TXNL4A: variants seen among roughly 807,000 people sequenced by gnomAD.
The protein encoded by TXNL4A is thioredoxin-like protein 4A.
A neutral mutation model predicts 14.6 loss-of-function variants in TXNL4A; 17 were observed. The ratio of observed to expected loss-of-function variants is 1.16; its 90% CI spans 0.80 to 1.74. The LOEUF is 1.74. Ranked by LOEUF, TXNL4A falls within the 40% of genes most tolerant of loss-of-function variation. TXNL4A has a pLI of 0.00. For missense variants in TXNL4A, 74 were observed against 195.2 expected (o/e 0.38, Z 3.70); for synonymous variants, 83 against 70.6 (o/e 1.18, Z -0.88).
Position 79,988,536 on chromosome 18 carries a change from G to C in TXNL4A, c.-144C>G. ...GGTCCCGCCCGCACACGCAAACTCC[G>C]CTGGGACTGCCACCCGGCAGAACGT... On this transcript the variant is annotated 5_prime_UTR_variant, in exon 1 of 3. Transcript: ENST00000269601. The C allele has an allele frequency of 2.4e-6, 2 of 845,086 alleles. No homozygotes were observed. The highest frequency in any genetic ancestry group is 1.6e-6 in the Non-Finnish European group (1 of 633,786). 52.3% of individuals were successfully genotyped at this position (845,086 alleles called of 1,614,324 possible). A position where few individuals can be genotyped will look rare whatever the true frequency, so the allele number is the denominator to read the frequency against.
chr18:80,031,374 C>T (rs1279832895), intron 1 of TXNL4A, among the ~76,000 whole-genome samples: 1 of 152,228 alleles, frequency 6.6e-6, no homozygotes, highest in Non-Finnish European at 1.5e-5. Context: ...GACATATTGG[C>T]TATGTGGCAC....
At chr18:79,974,834 G>T (rs938062995) in intron 2 of TXNL4A, among the ~76,000 whole-genome samples, 2 of 152,100 alleles carry the variant, frequency 1.3e-5, no homozygotes, top group Admixed American at 1.3e-4. Flanking sequence ...CAAACCCCTA[G>T]CTCCAGTCCC....
chr18:79,995,221 T>A (rs776048965), intron 1 of TXNL4A: 1 of 152,218 alleles, frequency 6.6e-6, no homozygotes, highest in Non-Finnish European at 1.5e-5. Context: ...CTGGTCCACA[T>A]ACTGGTCTCA....
At position 80,002,350 on chromosome 18, in the gene TXNL4A, G is replaced by A. The variant is rs541343795; in HGVS notation, c.-60-24649C>T. On this transcript the variant is annotated intron_variant, in intron 1 of 2. Coordinates refer to the TXNL4A transcript ENST00000585474. ...ATGAGAATATGTTCCACCAAATCCAGGCTGCCCTCCTAGGGTGATGGGAAA... is the reference window on the plus strand; with the variant it reads ...ATGAGAATATGTTCCACCAAATCCAAGCTGCCCTCCTAGGGTGATGGGAAA... 5.3e-5 allele frequency among the ~76,000 whole-genome samples: 8 copies of A among 152,248 alleles called. No individual in the cohort carries two copies. The South Asian group carries it at 1.7e-3, about 32-fold the overall frequency.
chr18:79,978,561 T>C (rs898015896), intron 1 of TXNL4A, among the ~76,000 whole-genome samples: 1 of 152,158 alleles, frequency 6.6e-6, no homozygotes, highest in Non-Finnish European at 1.5e-5. Context: ...TGGCAAGATC[T>C]TGGCTCACTG....
chr18:80,029,967 T>G (rs1342375142), intron 1 of TXNL4A, among the ~76,000 whole-genome samples: 1 of 152,302 alleles, frequency 6.6e-6, no homozygotes, highest in East Asian at 1.9e-4. Flanking sequence ...ATTTTGTCTA[T>G]TGGAAAAGAC....
In TXNL4A at chr18:80,004,887, C is replaced by G. The variant is rs528041517; in HGVS notation, c.-60-27186G>C. ...CAGTGAGGAGGAGAAAGCATCAGAACTATTGAAGAGTCCAGAACAGAAGCC... is the reference window on the plus strand; with the variant it reads ...CAGTGAGGAGGAGAAAGCATCAGAAGTATTGAAGAGTCCAGAACAGAAGCC... On this transcript the variant is annotated intron_variant, in intron 1 of 2. Transcript: ENST00000585474. Among the ~76,000 whole-genome samples, 4 of 152,270 alleles carry G rather than the reference C, an allele frequency of 2.6e-5. No individual in the cohort carries two copies. The South Asian group carries it at 8.3e-4, about 32-fold the overall frequency.
At position 79,988,195 on chromosome 18, in the gene TXNL4A, GAT is replaced by G. The variant is rs1308831645; in HGVS notation, c.153+43_153+44del. On this transcript the variant is annotated intron_variant, in intron 1 of 2. Coordinates refer to ENST00000269601, the MANE Select transcript of TXNL4A (RefSeq NM_006701.5). ...GCCGGCAGGGCAGAGGCGCGGGGCAGATGCGGAAGCACAGCCCGCAGAGCGGG... is the reference window on the plus strand; with the variant it reads ...GCCGGCAGGGCAGAGGCGCGGGGCAGGCGGAAGCACAGCCCGCAGAGCGGG... 2.7e-6 allele frequency: 4 copies of G among 1,457,174 alleles called. No individual in the cohort carries two copies. In the African/African-American group the frequency reaches 5.7e-5, roughly 21 times the overall value. 90.3% of individuals were successfully genotyped at this position (1,457,174 alleles called of 1,614,324 possible).
chr18:80,029,053 C>T (rs1057006122), intron 1 of TXNL4A, among the ~76,000 whole-genome samples: 1 of 152,174 alleles, frequency 6.6e-6, no homozygotes, highest in Non-Finnish European at 1.5e-5. Context: ...TTGAAAGAAA[C>T]CCAGAGCAGA....
rs114870966 is a variant in TXNL4A at position 79,999,042 on chromosome 18, G to A, written c.-60-21341C>T. 8.5e-3 allele frequency among the ~76,000 whole-genome samples: 1,290 copies of A among 152,226 alleles called. 18 individuals carry two copies. Among genetic ancestry groups the A allele is most frequent in the South Asian group, 0.028 (133 of 4,822 alleles). On this transcript the variant is annotated intron_variant, in intron 1 of 2. Transcript: ENST00000585474. Reference sequence around the variant, plus strand: ...GGTAATTAAAGCCGGTCCTCTTCCCGAAGCCAGATCATCTCAAGTGGCTGA... The same window carrying A: ...GGTAATTAAAGCCGGTCCTCTTCCCAAAGCCAGATCATCTCAAGTGGCTGA...
upstream of TXNL4A, among the ~76,000 whole-genome samples, chr18:79,988,902 C>T (rs1599733218): frequency 6.6e-6 from 1 of 152,224 alleles, no homozygotes; most frequent in African/African-American, 2.4e-5. Context: ...GGCACTGCGG[C>T]TCGTTTTCTT....
chr18:79,981,152 C>T (rs1341722296), intron 1 of TXNL4A, among the ~76,000 whole-genome samples: 2 of 152,202 alleles, frequency 1.3e-5, no homozygotes, highest in Admixed American at 1.3e-4. Flanking sequence ...CCCTTCAATG[C>T]CTTGCTCAGG....
chr18:79,976,735 T>C (rs4799116), intron 2 of TXNL4A: 370,957 of 455,086 alleles, frequency 0.82, 153,040 homozygotes, highest in East Asian at 0.92. Flanking sequence ...GAGGCTCCAC[T>C]TTTGGAGAAT....
At chr18:79,992,470 C>T (rs1299108600), upstream of TXNL4A, among the ~76,000 whole-genome samples, 1 of 152,148 alleles carries the variant, frequency 6.6e-6, no homozygotes, top group African/African-American at 2.4e-5. Flanking sequence ...GGCCCAGGGC[C>T]TTCCCAGACC....
At chr18:79,978,238 T>C (rs1385499808) in intron 1 of TXNL4A, among the ~76,000 whole-genome samples, 1 of 152,162 alleles carries the variant, frequency 6.6e-6, no homozygotes, top group Non-Finnish European at 1.5e-5. Context: ...GCTGATCTAG[T>C]AATCATCTGT....
chr18:80,027,839 T>G (rs1383777303), intron 1 of TXNL4A, among the ~76,000 whole-genome samples: 1 of 152,214 alleles, frequency 6.6e-6, no homozygotes, highest in Admixed American at 6.5e-5. Context: ...GACTGAGTAT[T>G]AACCCTGACA....
chr18:80,012,810 T>C (rs1599748420), intron 1 of TXNL4A, among the ~76,000 whole-genome samples: 1 of 152,328 alleles, frequency 6.6e-6, no homozygotes, highest in East Asian at 1.9e-4. Context: ...GTCCACAAAT[T>C]TGCAGATTAC....
In TXNL4A at chr18:79,982,418, A is replaced by G. The variant is rs768961714; in HGVS notation, c.154-4717T>C. On this transcript the variant is annotated intron_variant, in intron 1 of 2. Coordinates refer to ENST00000269601, the MANE Select transcript of TXNL4A (RefSeq NM_006701.5). This position sits in a 1 kb window ranked among gnomAD's most constrained non-coding sequence, Gnocchi z 4.0. ...GTAGCGACTGGCCTGGAGCTGTACA[A>G]TGGAGTCTGGGCTGGAGAGAGCTAC... is the stretch of plus-strand genomic sequence containing the variant. Among the ~76,000 whole-genome samples the G allele has an allele frequency of 6.6e-6, 1 of 152,174 alleles. No individual in the cohort carries two copies. The highest frequency in any genetic ancestry group is 1.5e-5 in the Non-Finnish European group (1 of 68,020).
chr18:80,009,164 A>C (rs2051752836), intron 1 of TXNL4A, among the ~76,000 whole-genome samples: 1 of 152,226 alleles, frequency 6.6e-6, no homozygotes, highest in African/African-American at 2.4e-5. Context: ...TGTTGAAGGC[A>C]ATTTCAACGA....
Sources: gnomAD v4.1 joint callset for allele counts (sites outside exome capture counted in the v4.1 genomes callset) on GRCh38, gnomAD v4.1.1 for gene constraint, Gnocchi (gnomAD v3.1) non-coding constraint, MANE v1.5 for transcripts, NCBI Gene and HGNC (gene_info 2026-07-23, HGNC 2026-07-21) for gene names.